Variants in TLN2 observed in about 807,000 individuals in gnomAD.
TLN2 encodes the protein talin-2.
A neutral mutation model predicts 294.7 loss-of-function variants in TLN2; 118 were observed. That is an observed-to-expected ratio of 0.40 (90% CI 0.34 to 0.47). The LOEUF (loss-of-function observed/expected upper bound fraction) is 0.47, where lower values mean the gene tolerates loss of function less well. TLN2 is among the 20% of genes least tolerant of loss of function. The pLI, the probability that TLN2 is intolerant of heterozygous loss-of-function variation, is 0.84. For missense variants in TLN2, 3,083 were observed against 3,282.2 expected (o/e 0.94, Z 1.48); for synonymous variants, 1,431 against 1,304.5 (o/e 1.10, Z -2.09).
chr15:62,673,824 T>C lies in TLN2; in HGVS notation c.789-3T>C, dbSNP rs2055797867. On this transcript the variant is annotated splice_region_variant and splice_polypyrimidine_tract_variant and intron_variant, in intron 9 of 58. Transcript: ENST00000636159. Reference sequence around the variant, plus strand: ...CTTTCCTTTTTAAATGTCTCTCTCTTAGTCTGAAGGAATTCCTGCCCAAAG... The same window carrying C: ...CTTTCCTTTTTAAATGTCTCTCTCTCAGTCTGAAGGAATTCCTGCCCAAAG... 1 of 1,611,926 alleles carries C rather than the reference T, an allele frequency of 6.2e-7. No individual in the cohort carries two copies. Among genetic ancestry groups the C allele is most frequent in the Non-Finnish European group, 8.5e-7 (1 of 1,178,496 alleles).
rs1474888351 is a variant in TLN2, at chr15:62,820,522, T to C, written c.6914T>C (p.Ile2305Thr). The C allele has an allele frequency of 6.2e-7, 1 of 1,613,884 alleles. No homozygotes were observed. The highest frequency in any genetic ancestry group is 8.5e-7 in the Non-Finnish European group (1 of 1,179,884). ...EWVDPEDPTVIAETELLGAAA... is the reference protein window; with the variant it reads ...EWVDPEDPTVTAETELLGAAA... ...GTGGATCCAGAAGACCCAACTGTCA[T>C]TGCAGAAACAGAGTTACTGGGGGCT... The change falls in exon 54 of 59, where the codon ATT (isoleucine) becomes ACT (threonine). Residue 2305 changes from isoleucine (I) to threonine (T), a missense_variant. By Grantham distance (89) the Ile-to-Thr change is moderately conservative. Transcript: ENST00000636159.
rs770896044 is a variant in TLN2, at chr15:62,796,194, C to T, written c.5951C>T (p.Thr1984Ile). ...KGTQACITAA[T>I]AVSGIIADLD... ...ACCCAGGCATGCATTACAGCCGCCA[C>T]CGCTGTGTCTGGGATCATTGCCGAC... The change falls in exon 47 of 59, where the codon ACC (threonine) becomes ATC (isoleucine). Residue 1984 changes from threonine to isoleucine, a missense_variant. Thr to Ile is a moderately conservative substitution (Grantham distance 89, BLOSUM62 -1). Transcript: ENST00000636159. 1.9e-6 allele frequency: 3 copies of T among 1,614,142 alleles called. No individual in the cohort carries two copies. The highest frequency in any genetic ancestry group is 2.2e-5 in the South Asian group (2 of 91,088).
At chr15:62,707,653 A>G (rs972968543) in intron 20 of TLN2, among the ~76,000 whole-genome samples, 2 of 152,116 alleles carry the variant, frequency 1.3e-5, no homozygotes, top group African/African-American at 2.4e-5. Flanking sequence ...TGGGGATTTT[A>G]ATTGTTGCCA....
In TLN2 at chr15:62,576,062, T is replaced by C. The variant is rs796735803; in HGVS notation, c.-237-13625T>C. Reference sequence around the variant, plus strand: ...TCTGCAGGGGTCTGTGGGGTGATTATGTGATATTTTATGTTCTAAGGTAGT... The same window carrying C: ...TCTGCAGGGGTCTGTGGGGTGATTACGTGATATTTTATGTTCTAAGGTAGT... On this transcript the variant is annotated intron_variant, in intron 1 of 58. Coordinates refer to ENST00000636159, the MANE Select transcript of TLN2 (RefSeq NM_015059.3). 9.8e-5 allele frequency among the ~76,000 whole-genome samples: 15 copies of C among 152,300 alleles called. 1 individual carries two copies. Among genetic ancestry groups the C allele is most frequent in the African/African-American group, 3.6e-4 (15 of 41,582 alleles).
intron 54 of TLN2, among the ~76,000 whole-genome samples, chr15:62,823,422 T>C (rs2067753825): frequency 6.6e-6 from 1 of 152,092 alleles, no homozygotes; most frequent in South Asian, 2.1e-4. Context: ...CTCCATTCTC[T>C]CCCAAAACCT....
intron 1 of TLN2, among the ~76,000 whole-genome samples, chr15:62,472,317 A>G (rs762579856): frequency 6.6e-6 from 1 of 152,048 alleles, no homozygotes; most frequent in Admixed American, 6.5e-5. Context: ...TATCTTCCTC[A>G]TCTTTGTCCC....
In TLN2 at chr15:62,755,765, T is replaced by G; in HGVS notation, c.4638+72T>G. 2.6e-6 allele frequency: 4 copies of G among 1,562,834 alleles called. No homozygotes were observed. The South Asian group carries it at 4.8e-5, about 19-fold the overall frequency. On this transcript the variant is annotated intron_variant, in intron 37 of 58. Coordinates refer to ENST00000636159, the MANE Select transcript of TLN2 (RefSeq NM_015059.3). ...CTGGCGGGGGAAGGGGAACAAGATTTAAGCTCCACTCCTCTCCTTGTCTAG... is the reference window on the plus strand; with the variant it reads ...CTGGCGGGGGAAGGGGAACAAGATTGAAGCTCCACTCCTCTCCTTGTCTAG...
intron 19 of TLN2, among the ~76,000 whole-genome samples, chr15:62,704,483 G>A (rs1223525678): frequency 6.6e-6 from 1 of 152,194 alleles, no homozygotes; most frequent in Non-Finnish European, 1.5e-5. Context: ...ACGAAGATGG[G>A]ATCATGTATG....
At chr15:62,513,264 G>C (rs932621703) in intron 1 of TLN2, among the ~76,000 whole-genome samples, 3 of 152,070 alleles carry the variant, frequency 2.0e-5, no homozygotes, top group African/African-American at 7.2e-5. Flanking sequence ...TCCTTTGCTT[G>C]CTGTGCCTGT....
chr15:62,463,149 A>C (rs1240212474), intron 1 of TLN2, among the ~76,000 whole-genome samples: 1 of 152,136 alleles, frequency 6.6e-6, no homozygotes, highest in Non-Finnish European at 1.5e-5. Context: ...TTTATTAGTG[A>C]GGAAAGAAGA....
chr15:62,657,700 G>A (rs2053382380), intron 8 of TLN2, 71 bp from the exon 9 acceptor site: 5 of 1,557,440 alleles, frequency 3.2e-6, no homozygotes, highest in Middle Eastern at 3.5e-4. Flanking sequence ...CTGGGCCATG[G>A]GAATGCGTCA....
At chr15:62,722,272 T>C (rs1300485592) in intron 25 of TLN2, 81 bp from the exon 26 acceptor site, 2 of 1,454,402 alleles carry the variant, frequency 1.4e-6, no homozygotes, top group Non-Finnish European at 1.9e-6. Flanking sequence ...CTTACTGCTG[T>C]GGAGACCTCG....
chr15:62,732,615 G>T (rs1376241814), intron 28 of TLN2, among the ~76,000 whole-genome samples: 1 of 152,214 alleles, frequency 6.6e-6, no homozygotes, highest in African/African-American at 2.4e-5. Context: ...CCTTCCTCCT[G>T]TGTGTAGAAT....
chr15:62,424,867 G>A (rs1248590611), intron 1 of TLN2, among the ~76,000 whole-genome samples: 3 of 149,460 alleles, frequency 2.0e-5, no homozygotes, highest in Non-Finnish European at 4.4e-5. Flanking sequence ...TGGCCAGGCT[G>A]GTCTTGAACT....
intron 1 of TLN2, among the ~76,000 whole-genome samples, chr15:62,553,918 G>T (rs1567090981): frequency 6.6e-6 from 1 of 151,556 alleles, no homozygotes; most frequent in Non-Finnish European, 1.5e-5. Context: ...AGCTTGGGAT[G>T]CATATCTTTT....
intron 1 of TLN2, among the ~76,000 whole-genome samples, chr15:62,562,286 C>G (rs1341295331): frequency 6.6e-6 from 1 of 152,042 alleles, no homozygotes; most frequent in African/African-American, 2.4e-5. Flanking sequence ...CTCTGTTTAA[C>G]TTTAAGATTC....
intron 54 of TLN2, among the ~76,000 whole-genome samples, chr15:62,825,789 T>TATATTATATATAATATTATATTA: frequency 1.2e-5 from 1 of 83,596 alleles, no homozygotes; most frequent in African/African-American, 7.2e-5. Context: ...ATATTATATA[T>TATATTATATATAATATTATATTA]TATAATATAT....
At chr15:62,693,834 T>A (rs1259701232) in intron 13 of TLN2, among the ~76,000 whole-genome samples, 5 of 152,100 alleles carry the variant, frequency 3.3e-5, no homozygotes, top group Admixed American at 3.3e-4. Flanking sequence ...ATGCTTTTGT[T>A]CATCCATCGC....
chr15:62,604,087 A>C (rs1264983474), intron 2 of TLN2, among the ~76,000 whole-genome samples: 1 of 152,152 alleles, frequency 6.6e-6, no homozygotes, highest in Non-Finnish European at 1.5e-5. Context: ...CATGAAATAT[A>C]ATTCATTTGG....
Sources: gnomAD v4.1 joint callset for allele counts (sites outside exome capture counted in the v4.1 genomes callset) on GRCh38, gnomAD v4.1.1 for gene constraint, MANE v1.5 for transcripts, NCBI Gene and HGNC (gene_info 2026-07-23, HGNC 2026-07-21) for gene names.